The following PCDHA6 variants were observed in gnomAD, a reference collection of about 807,000 sequenced individuals.
The protein encoded by PCDHA6 is protocadherin alpha 6.
A neutral mutation model predicts 60.3 loss-of-function variants in PCDHA6; 55 were observed. The observed-to-expected ratio is 0.91, with a 90% CI of 0.73 to 1.14. The LOEUF is 1.14. PCDHA6 is among the 50% of genes most tolerant of loss of function. The pLI, the probability that PCDHA6 is intolerant of heterozygous loss-of-function variation, is 0.00. For synonymous variants in PCDHA6, 652 were observed against 557.9 expected, an observed-to-expected ratio of 1.17 and a Z score of -2.38; for missense variants, 1,327 against 1,256.5, an observed-to-expected ratio of 1.06 and a Z score of -0.85.
chr5:140,976,244 A>G (rs996854178), intron 1 of PCDHA6, among the ~76,000 whole-genome samples: 1 of 152,160 alleles, frequency 6.6e-6, no homozygotes, highest in Non-Finnish European at 1.5e-5. Context: ...CATTTCATGT[A>G]AATTTATTTA....
chr5:140,842,582 T>A, intron 1 of PCDHA6: 1 of 1,520,542 alleles, frequency 6.6e-7, no homozygotes, highest in Non-Finnish European at 8.9e-7. Context: ...AGTGTCGGCC[T>A]ATGAGTTGGT....
chr5:140,909,769 C>T (rs1213208977), intron 1 of PCDHA6, among the ~76,000 whole-genome samples: 2 of 152,104 alleles, frequency 1.3e-5, no homozygotes, highest in Non-Finnish European at 2.9e-5. Flanking sequence ...AGTCCAGGGA[C>T]CCACTGGACC....
chr5:140,838,330 C>T lies in PCDHA6; in HGVS notation c.2394+7845C>T, dbSNP rs113888727. 2.6e-3 allele frequency among the ~76,000 whole-genome samples: 382 copies of T among 147,588 alleles called. 4 individuals carry two copies. The highest frequency in any genetic ancestry group is 9.4e-3 in the African/African-American group (367 of 39,126). The stretch of plus-strand genomic sequence containing the variant: ...GTAGAAACAGAGTTTCACCATGTTG[C>T]CCCGGCTGGTCTCGAAATCTGGGAC... On this transcript the variant is annotated intron_variant, in intron 1 of 3. Coordinates refer to ENST00000529310, the MANE Select transcript of PCDHA6 (RefSeq NM_018909.4).
At chr5:140,911,312 T>C (rs2075424091) in intron 1 of PCDHA6, among the ~76,000 whole-genome samples, 1 of 152,154 alleles carries the variant, frequency 6.6e-6, no homozygotes, top group African/African-American at 2.4e-5. Context: ...CCATTCCAAG[T>C]TTCAGGATCC....
At chr5:140,924,416 T>G (rs1283567998) in intron 1 of PCDHA6, among the ~76,000 whole-genome samples, 1 of 152,192 alleles carries the variant, frequency 6.6e-6, no homozygotes, top group African/African-American at 2.4e-5. Context: ...CAGTGTGCCC[T>G]TTCTAGTTCC....
intron 1 of PCDHA6, among the ~76,000 whole-genome samples, chr5:140,895,873 G>A (rs112324080): frequency 0.13 from 19,058 of 152,088 alleles, 1,272 homozygotes; most frequent in Middle Eastern, 0.19. Context: ...GTGCAATGGC[G>A]CGATCTCGGC....
At chr5:140,984,083 A>C (rs2097086103) in intron 3 of PCDHA6, among the ~76,000 whole-genome samples, 1 of 152,226 alleles carries the variant, frequency 6.6e-6, no homozygotes, top group South Asian at 2.1e-4. Context: ...GATGGAGTGA[A>C]GAAATGATGG....
rs2150160291 is a variant in PCDHA6 at position 140,828,893 on chromosome 5, G to C, written c.802G>C (p.Asp268His). The change falls in exon 1 of 4, where the codon GAT becomes CAT. Residue 268 changes from aspartate (D) to histidine (H), a missense_variant. Transcript: ENST00000529310. ...GTTVIRLNAS[D>H]RDEGANGAIS... ...AACAGTTATCAGACTGAATGCTTCT[G>C]ATCGGGATGAAGGAGCGAATGGGGC... The C allele has an allele frequency of 1.2e-6, 2 of 1,614,238 alleles. No homozygotes were observed. Among genetic ancestry groups the C allele is most frequent in the Non-Finnish European group, 1.7e-6 (2 of 1,180,044 alleles).
chr5:140,926,915 T>A, intron 1 of PCDHA6: 1 of 1,563,726 alleles, frequency 6.4e-7, no homozygotes, highest in Non-Finnish European at 8.7e-7. Flanking sequence ...GGGGTGGCAG[T>A]TTTATGTTTG....
At chr5:140,968,036 A>T in intron 1 of PCDHA6, 1 of 1,614,160 alleles carries the variant, frequency 6.2e-7, no homozygotes, top group Non-Finnish European at 8.5e-7. Context: ...ACTGGTGGTG[A>T]GCGGCCCACT....
At chr5:140,832,074 T>C (rs2150199699) in intron 1 of PCDHA6, among the ~76,000 whole-genome samples, 2 of 152,370 alleles carry the variant, frequency 1.3e-5, no homozygotes, top group East Asian at 3.8e-4. Context: ...CTGAGATGTC[T>C]CTAACATTTT....
chr5:140,850,847 G>C (rs2150500244), intron 1 of PCDHA6: 5 of 1,596,668 alleles, frequency 3.1e-6, no homozygotes, highest in Non-Finnish European at 4.3e-6. Context: ...GATCTACAGA[G>C]CGAACGGGAG....
At chr5:140,923,093 A>G (rs1372910044) in intron 1 of PCDHA6, among the ~76,000 whole-genome samples, 3 of 152,194 alleles carry the variant, frequency 2.0e-5, no homozygotes, top group Admixed American at 6.5e-5. Flanking sequence ...TATTTGACCA[A>G]TGGGAGTATG....
At chr5:140,870,416 C>T in intron 1 of PCDHA6, 1 of 1,614,230 alleles carries the variant, frequency 6.2e-7, no homozygotes, top group Non-Finnish European at 8.5e-7. Flanking sequence ...TGGGCCACGG[C>T]CAGGGTATCC....
intron 1 of PCDHA6, among the ~76,000 whole-genome samples, chr5:140,945,397 A>G (rs2093784345): frequency 6.6e-6 from 1 of 152,132 alleles, no homozygotes; most frequent in Admixed American, 6.5e-5. Context: ...TACAAATTCA[A>G]TACAATTCGT....
In PCDHA6 at chr5:140,879,581, G is replaced by A. The variant is rs537126502; in HGVS notation, c.2394+49096G>A. On this transcript the variant is annotated intron_variant, in intron 1 of 3. Transcript: ENST00000529310. ...ATGAAAGAATAAAATTGCCAAGACA[G>A]ACATTGAAAAGTGAAAAACAATGTG... Among the ~76,000 whole-genome samples the A allele has an allele frequency of 2.6e-5, 4 of 152,334 alleles. No individual in the cohort carries two copies. In the East Asian group the frequency reaches 7.7e-4, roughly 29 times the overall value.
At chr5:140,959,614 G>T (rs1175211325) in intron 1 of PCDHA6, among the ~76,000 whole-genome samples, 1 of 152,024 alleles carries the variant, frequency 6.6e-6, no homozygotes, top group African/African-American at 2.4e-5. Context: ...TTTCTTGCTT[G>T]TGATAGAAAA....
intron 1 of PCDHA6, among the ~76,000 whole-genome samples, chr5:140,885,056 C>T (rs1554181973): frequency 6.6e-6 from 1 of 152,106 alleles, no homozygotes; most frequent in East Asian, 1.9e-4. Flanking sequence ...TATACATATA[C>T]CCACAAGATA....
At chr5:140,960,548 A>G (rs73793541) in intron 1 of PCDHA6, among the ~76,000 whole-genome samples, 2,047 of 152,290 alleles carry the variant, frequency 0.013, 37 homozygotes, top group African/African-American at 0.047. Context: ...TGGCCTTCAT[A>G]TAGACTGAGC....
Sources: gnomAD v4.1 joint callset for allele counts (sites outside exome capture counted in the v4.1 genomes callset) on GRCh38, gnomAD v4.1.1 for gene constraint, MANE v1.5 for transcripts, NCBI Gene and HGNC (gene_info 2026-07-23, HGNC 2026-07-21) for gene names.